Variants in NKAIN3 observed in about 807,000 individuals in gnomAD.
The protein encoded by NKAIN3 is sodium/potassium transporting ATPase interacting 3.
A neutral mutation model predicts 30.2 loss-of-function variants in NKAIN3; 25 were observed. The ratio of observed to expected loss-of-function variants is 0.83; its 90% CI spans 0.60 to 1.16. The LOEUF (loss-of-function observed/expected upper bound fraction) is 1.16. Ranked by LOEUF, NKAIN3 falls within the 50% of genes most tolerant of loss-of-function variation. The pLI is 0.00. For missense variants in NKAIN3, 225 were observed against 254.1 expected, an observed-to-expected ratio of 0.89 and a Z score of 0.78; for synonymous variants, 91 against 89.6, an observed-to-expected ratio of 1.02 and a Z score of -0.09.
intron 3 of NKAIN3, among the ~76,000 whole-genome samples, chr8:62,675,758 T>C (rs1198737838): frequency 1.3e-5 from 2 of 152,172 alleles, no homozygotes; most frequent in Non-Finnish European, 2.9e-5. Flanking sequence ...GGAAGTTCCT[T>C]ATAAAAGCAG....
chr8:62,700,193 C>T (rs1814289466), intron 3 of NKAIN3, among the ~76,000 whole-genome samples: 1 of 152,092 alleles, frequency 6.6e-6, no homozygotes, highest in Non-Finnish European at 1.5e-5. Context: ...TAGGTTATGT[C>T]TCTATGATGT....
At chr8:62,345,256 T>TAC (rs1289138556) in intron 1 of NKAIN3, among the ~76,000 whole-genome samples, 144 of 47,900 alleles carry the variant, frequency 3.0e-3, no homozygotes, top group East Asian at 0.011. Context: ...TGGGTATATA[T>TAC]ATACACACAC....
At chr8:62,541,373 T>G (rs1158584664) in intron 1 of NKAIN3, among the ~76,000 whole-genome samples, 1 of 152,042 alleles carries the variant, frequency 6.6e-6, no homozygotes, top group African/African-American at 2.4e-5. Flanking sequence ...AGAAGTCCAA[T>G]GCTATTCTGA....
intron 3 of NKAIN3, among the ~76,000 whole-genome samples, chr8:62,634,939 T>A (rs1317190777): frequency 6.6e-6 from 1 of 152,072 alleles, no homozygotes; most frequent in African/African-American, 2.4e-5. Flanking sequence ...CTTAGGATGC[T>A]GTTTTACATA....
intron 1 of NKAIN3, among the ~76,000 whole-genome samples, chr8:62,441,343 A>C (rs1352284114): frequency 1.3e-5 from 2 of 152,030 alleles, no homozygotes; most frequent in Non-Finnish European, 2.9e-5. Context: ...GTCTTTGAAA[A>C]GAATTAACAT....
At chr8:62,502,365 A>G (rs995184145) in intron 1 of NKAIN3, among the ~76,000 whole-genome samples, 9 of 152,128 alleles carry the variant, frequency 5.9e-5, no homozygotes, top group Non-Finnish European at 1.3e-4. Context: ...GTACCTACTA[A>G]TTGACATGAT....
chr8:62,923,486 C>A (rs1822341082), intron 5 of NKAIN3, among the ~76,000 whole-genome samples: 1 of 152,174 alleles, frequency 6.6e-6, no homozygotes, highest in Non-Finnish European at 1.5e-5. Flanking sequence ...GATGCACTTG[C>A]AAATGTTTAT....
intron 3 of NKAIN3, among the ~76,000 whole-genome samples, chr8:62,725,268 A>G (rs539981277): frequency 5.9e-5 from 9 of 152,236 alleles, no homozygotes; most frequent in Admixed American, 4.6e-4. Context: ...CTCTTTATAC[A>G]TTCTGGCTAT....
At chr8:62,458,704 T>G (rs1805897132) in intron 1 of NKAIN3, among the ~76,000 whole-genome samples, 1 of 152,200 alleles carries the variant, frequency 6.6e-6, no homozygotes, top group Non-Finnish European at 1.5e-5. Context: ...TGGAAAACCT[T>G]CACCAAAATT....
chr8:62,419,346 C>T (rs578141849), intron 1 of NKAIN3, among the ~76,000 whole-genome samples: 33 of 152,212 alleles, frequency 2.2e-4, no homozygotes, highest in African/African-American at 7.7e-4. Context: ...ATGCTATGTG[C>T]AATATCACAT....
intron 1 of NKAIN3, among the ~76,000 whole-genome samples, chr8:62,565,966 A>G (rs1014193556): frequency 2.0e-5 from 3 of 152,158 alleles, no homozygotes; most frequent in African/African-American, 7.2e-5. Flanking sequence ...ATAGGTACTC[A>G]AAGTACACTT....
chr8:62,346,343 C>T (rs1416761178), intron 1 of NKAIN3, among the ~76,000 whole-genome samples: 1 of 151,988 alleles, frequency 6.6e-6, no homozygotes, highest in Non-Finnish European at 1.5e-5. Context: ...TAAATATGTA[C>T]ACTTATGATG....
Position 62,665,001 on chromosome 8 carries a change from T to C in NKAIN3, c.273+75207T>C, listed in dbSNP as rs73264858. ...TTCTAGAGACTTTTGAAATTTCTAC[T>C]TGAACTTATTCTACGATCTTGTGGC... On this transcript the variant is annotated intron_variant, in intron 3 of 6. Transcript: ENST00000623646. Among the ~76,000 whole-genome samples the C allele has an allele frequency of 7.7e-3, 1,175 of 152,306 alleles. 13 individuals carry two copies. The highest frequency in any genetic ancestry group is 0.027 in the African/African-American group (1,128 of 41,562).
At chr8:62,710,713 A>G (rs1814686378) in intron 3 of NKAIN3, among the ~76,000 whole-genome samples, 2 of 152,178 alleles carry the variant, frequency 1.3e-5, no homozygotes, top group African/African-American at 4.8e-5. Flanking sequence ...GGACATTTAC[A>G]TTCAATGTTA....
At chr8:62,851,580 A>T (rs1819899526) in intron 4 of NKAIN3, among the ~76,000 whole-genome samples, 1 of 152,074 alleles carries the variant, frequency 6.6e-6, no homozygotes, top group Admixed American at 6.6e-5. Context: ...TCAATATGAT[A>T]TTGGCTGTGG....
intron 1 of NKAIN3, among the ~76,000 whole-genome samples, chr8:62,497,516 T>C (rs570393556): frequency 9.2e-5 from 14 of 152,188 alleles, no homozygotes; most frequent in Non-Finnish European, 2.1e-4. Flanking sequence ...AAACTGTTTC[T>C]AAGTAAGAGG....
chr8:62,386,861 G>A (rs188570255), intron 1 of NKAIN3, among the ~76,000 whole-genome samples: 2 of 151,650 alleles, frequency 1.3e-5, no homozygotes, highest in Non-Finnish European at 2.9e-5. Context: ...TGACCCCCAT[G>A]TTATTGTGAG....
At chr8:62,288,504 T>A (rs891680771) in intron 1 of NKAIN3, among the ~76,000 whole-genome samples, 2 of 152,192 alleles carry the variant, frequency 1.3e-5, no homozygotes, top group African/African-American at 4.8e-5. Context: ...TGGTTTTCTG[T>A]CCTTGTGATA....
chr8:62,907,055 T>A (rs1361808411), intron 4 of NKAIN3, among the ~76,000 whole-genome samples: 1 of 152,180 alleles, frequency 6.6e-6, no homozygotes, highest in Admixed American at 6.5e-5. Flanking sequence ...CTGATAGTGA[T>A]ATGGACAATG....
Sources: allele counts gnomAD v4.1 joint callset (sites outside exome capture counted in the v4.1 genomes callset), GRCh38; gene constraint gnomAD v4.1.1; transcripts MANE v1.5; gene names NCBI Gene and HGNC (gene_info 2026-07-23, HGNC 2026-07-21).